The following CLEC16A variants were observed in gnomAD, a reference collection of about 807,000 sequenced individuals.
The protein encoded by CLEC16A is protein CLEC16A.
Under a neutral mutation model 109.5 loss-of-function variants are expected in CLEC16A, and 51 were observed. The ratio of observed to expected loss-of-function variants is 0.47; its 90% CI spans 0.37 to 0.59. The LOEUF is 0.59. Ranked by LOEUF, CLEC16A falls within the 20% of genes least tolerant of loss-of-function variation. The pLI, the probability that CLEC16A is intolerant of heterozygous loss-of-function variation, is 0.00. For synonymous variants in CLEC16A, 673 were observed against 564.2 expected (o/e 1.19, Z -2.73); for missense variants, 1,339 against 1,394.0 (o/e 0.96, Z 0.63).
At chr16:11,085,734 G>A (rs2049974677) in intron 19 of CLEC16A, among the ~76,000 whole-genome samples, 1 of 152,192 alleles carries the variant, frequency 6.6e-6, no homozygotes, top group Admixed American at 6.5e-5. Flanking sequence ...TGGGACCACA[G>A]GTGTGCGCCA....
At chr16:10,947,333 G>T (rs886509220) in intron 1 of CLEC16A, among the ~76,000 whole-genome samples, 3 of 151,728 alleles carry the variant, frequency 2.0e-5, no homozygotes, top group Admixed American at 1.3e-4. Context: ...AGAACAGCTC[G>T]TTCCCTGAGG....
intron 10 of CLEC16A, among the ~76,000 whole-genome samples, chr16:10,992,062 G>C (rs2044049930): frequency 6.6e-6 from 1 of 152,190 alleles, no homozygotes; most frequent in Non-Finnish European, 1.5e-5. Context: ...CCACTTGCTG[G>C]GTTGCTTATA....
chr16:10,999,666 C>T (rs926812543), intron 10 of CLEC16A, among the ~76,000 whole-genome samples: 3 of 152,094 alleles, frequency 2.0e-5, no homozygotes, highest in Admixed American at 2.0e-4. Context: ...GTAAGCATGC[C>T]CTCCCACACC....
intron 1 of CLEC16A, among the ~76,000 whole-genome samples, chr16:10,957,213 G>T (rs892851774): frequency 2.0e-5 from 3 of 152,202 alleles, no homozygotes; most frequent in Admixed American, 2.0e-4. Context: ...CACTGCACTT[G>T]AGAAGGATTG....
chr16:11,133,625 C>G (rs2053379549), intron 22 of CLEC16A, among the ~76,000 whole-genome samples: 2 of 152,222 alleles, frequency 1.3e-5, no homozygotes, highest in Non-Finnish European at 2.9e-5. Context: ...ATGTTTCATT[C>G]ATAGACATCA....
intron 22 of CLEC16A, among the ~76,000 whole-genome samples, chr16:11,158,373 C>A (rs1202574711): frequency 1.3e-5 from 2 of 152,140 alleles, no homozygotes; most frequent in African/African-American, 4.8e-5. Context: ...CCGAATCAGC[C>A]CTCAGCGGGT....
intron 23 of CLEC16A, among the ~76,000 whole-genome samples, chr16:11,172,888 C>G (rs2068584599): frequency 6.6e-6 from 1 of 152,090 alleles, no homozygotes; most frequent in Non-Finnish European, 1.5e-5. Flanking sequence ...GACTCTGTCT[C>G]AAAACAAACA....
chr16:11,117,005 A>C (rs1447619315), intron 19 of CLEC16A, among the ~76,000 whole-genome samples: 1 of 152,264 alleles, frequency 6.6e-6, no homozygotes, highest in Non-Finnish European at 1.5e-5. Context: ...GTACAGCCAT[A>C]AAAAAGAACT....
Position 11,061,014 on chromosome 16 carries a change from T to G in CLEC16A, c.2108T>G (p.Leu703Arg). Residue 703 changes from leucine (L) to arginine (R), a missense_variant, in exon 19 of 24, where the codon CTG (leucine) becomes CGG (arginine). Physicochemically the swap from Leu to Arg is moderately radical, Grantham distance 102 (BLOSUM62 -2). Around this residue, in one of 3 missense-constraint regions of CLEC16A, gnomAD observed 1,061 missense variants for 1,006.8 expected, o/e 1.05. Coordinates refer to ENST00000409790, the MANE Select transcript of CLEC16A (RefSeq NM_015226.3). ...GACCTGATCAAGACTGATGATGTCC[T>G]GGATCTGAGTGAGTTGGCTGCTCTG... ...EEDLIKTDDV[L>R]DLNNSDLIAC... is the part of the protein sequence containing the mutation. 1 of 1,606,554 alleles carries G rather than the reference T, an allele frequency of 6.2e-7. No individual in the cohort carries two copies. The highest frequency in any genetic ancestry group is 8.5e-7 in the Non-Finnish European group (1 of 1,177,338).
intron 19 of CLEC16A, among the ~76,000 whole-genome samples, chr16:11,069,251 C>A (rs529942135): frequency 1.3e-5 from 2 of 152,162 alleles, no homozygotes; most frequent in Non-Finnish European, 2.9e-5. Context: ...CCTCAGCTTC[C>A]CAAATAACTG....
At position 10,980,990 on chromosome 16, in the gene CLEC16A, A is replaced by G. The variant is rs1244907211; in HGVS notation, c.957+1608A>G. Among the ~76,000 whole-genome samples the G allele has an allele frequency of 2.6e-5, 4 of 152,328 alleles. No individual in the cohort carries two copies. In the East Asian group the frequency reaches 7.7e-4, roughly 29 times the overall value. Reference sequence around the variant, plus strand: ...GCTGTCCTCCTAAAACCAAACTGCTAACAGAGTGTGGTGTAGGCAGCTGGG... The same window carrying G: ...GCTGTCCTCCTAAAACCAAACTGCTGACAGAGTGTGGTGTAGGCAGCTGGG... On this transcript the variant is annotated intron_variant, in intron 9 of 23. Coordinates refer to ENST00000409790, the MANE Select transcript of CLEC16A (RefSeq NM_015226.3).
At chr16:11,119,065 G>A (rs530822015) in intron 19 of CLEC16A, among the ~76,000 whole-genome samples, 9 of 152,242 alleles carry the variant, frequency 5.9e-5, no homozygotes, top group African/African-American at 4.8e-5. Context: ...GCTGTGGTGC[G>A]ATCTTGGCTC....
chr16:11,167,290 G>C (rs1053302319), intron 23 of CLEC16A, among the ~76,000 whole-genome samples: 1 of 152,184 alleles, frequency 6.6e-6, no homozygotes, highest in African/African-American at 2.4e-5. Context: ...AGGATGTTCT[G>C]TGCCCCAGCA....
At chr16:11,020,133 G>A (rs950251021) in intron 11 of CLEC16A, 60 bp from the exon 12 acceptor site, 5 of 1,543,144 alleles carry the variant, frequency 3.2e-6, no homozygotes, top group Admixed American at 2.0e-5. Context: ...ATGAGCATGT[G>A]TATAAATCTA....
At chr16:11,112,041 C>T (rs1185797724) in intron 19 of CLEC16A, among the ~76,000 whole-genome samples, 1 of 152,198 alleles carries the variant, frequency 6.6e-6, no homozygotes, top group African/African-American at 2.4e-5. Flanking sequence ...GTAGAGTTCT[C>T]CCTACCGTGG....
In CLEC16A at chr16:11,165,885, A is replaced by G. The variant is rs2068239869; in HGVS notation, c.2642-503A>G. Among the ~76,000 whole-genome samples, 4 of 152,194 alleles carry G rather than the reference A, an allele frequency of 2.6e-5. No individual in the cohort carries two copies. The South Asian group carries it at 8.3e-4, about 32-fold the overall frequency. ...GACTTCCCTAGAACCTCAAGGGCAG[A>G]GCAAATTCTCTGGAAGGAGCGTCCA... is the stretch of plus-strand genomic sequence containing the variant. On this transcript the variant is annotated intron_variant, in intron 22 of 23. Transcript: ENST00000409790.
At chr16:11,093,139 T>C (rs2050409202) in intron 19 of CLEC16A, among the ~76,000 whole-genome samples, 1 of 152,236 alleles carries the variant, frequency 6.6e-6, no homozygotes, top group Admixed American at 6.5e-5. Context: ...CTCATGGTGC[T>C]TTTGGGGCAT....
intron 11 of CLEC16A, among the ~76,000 whole-genome samples, chr16:11,017,023 G>C: frequency 6.7e-6 from 1 of 150,294 alleles, no homozygotes. Context: ...GCTCCTCCAT[G>C]CCAAGGGGTG....
In CLEC16A at chr16:11,146,322, C is replaced by G. The variant is rs1237844931; in HGVS notation, c.2642-20066C>G. 3.9e-5 allele frequency among the ~76,000 whole-genome samples: 6 copies of G among 152,210 alleles called. 1 individual carries two copies. In the East Asian group the frequency reaches 1.2e-3, roughly 29 times the overall value. The stretch of plus-strand genomic sequence containing the variant: ...ACTGTAAGCTCCAGGAAAACAGGCA[C>G]TGTGTTTTGTTTACAGCTGAATTTC... On this transcript the variant is annotated intron_variant, in intron 22 of 23. Coordinates refer to ENST00000409790, the MANE Select transcript of CLEC16A (RefSeq NM_015226.3).
Sources: gnomAD v4.1 joint callset for allele counts (sites outside exome capture counted in the v4.1 genomes callset) on GRCh38, gnomAD v4.1.1 for gene constraint, gnomAD v4.1.1 regional missense constraint, MANE v1.5 for transcripts, NCBI Gene and HGNC (gene_info 2026-07-23, HGNC 2026-07-21) for gene names.